Variants in NBAS observed in about 807,000 individuals in gnomAD.
The protein encoded by NBAS is NAG/BC035112 fusion.
In NBAS, 219 loss-of-function variants were observed where a neutral mutation model predicts 302.5. That is an observed-to-expected ratio of 0.72 (90% CI 0.65 to 0.81). The LOEUF (loss-of-function observed/expected upper bound fraction) is 0.81. Among genes scored for constraint, NBAS ranks in the 30% least tolerant of loss-of-function variants. The pLI is 0.00. For synonymous variants in NBAS, 1,118 were observed against 1,021.6 expected (o/e 1.09, Z -1.80); for missense variants, 2,932 against 2,841.6 (o/e 1.03, Z -0.72).
At position 15,184,270 on chromosome 2, in the gene NBAS, T is replaced by C. The variant is rs558778012; in HGVS notation, c.6711+2472A>G. ...GGTTTTGTGGATGAAAATTATTCCA[T>C]GGACTATGGAATAGTCCACCCCATG... is the stretch of plus-strand genomic sequence containing the variant. On this transcript the variant is annotated intron_variant, in intron 50 of 51. Coordinates refer to ENST00000281513, the MANE Select transcript of NBAS (RefSeq NM_015909.4). Among the ~76,000 whole-genome samples the C allele has an allele frequency of 4.9e-4, 74 of 152,248 alleles. No individual in the cohort carries two copies. In the East Asian group the frequency reaches 5.8e-3, roughly 12 times the overall value.
At chr2:15,008,201 C>T in the NBAS span, among the ~76,000 whole-genome samples, 1 of 152,202 alleles carries the variant, frequency 6.6e-6, no homozygotes, top group Non-Finnish European at 1.5e-5. Flanking sequence ...ACAACTGTTG[C>T]CACTGAAGAG....
the NBAS span, among the ~76,000 whole-genome samples, chr2:15,106,255 G>T: frequency 6.6e-6 from 1 of 152,072 alleles, no homozygotes; most frequent in East Asian, 1.9e-4. Flanking sequence ...TTAGCACCTT[G>T]GGGTGAGGAA....
the NBAS span, among the ~76,000 whole-genome samples, chr2:14,979,358 C>G: frequency 3.9e-5 from 6 of 152,144 alleles, no homozygotes; most frequent in Admixed American, 3.3e-4. Context: ...GTCAGTGGCT[C>G]TAGAAATGTT....
chr2:14,860,267 T>A, the NBAS span, among the ~76,000 whole-genome samples: 4 of 152,230 alleles, frequency 2.6e-5, no homozygotes, highest in East Asian at 1.9e-4. Flanking sequence ...ATAGAAAACA[T>A]CATGGTGTTT....
At chr2:14,806,925 G>A in the NBAS span, among the ~76,000 whole-genome samples, 4 of 152,116 alleles carry the variant, frequency 2.6e-5, no homozygotes, top group East Asian at 7.7e-4. Flanking sequence ...ACCTCCCTGG[G>A]GGTACATGTT....
chr2:15,309,176 G>A lies in NBAS; in HGVS notation c.4654C>T (p.Pro1552Ser), dbSNP rs770879208. 6.2e-6 allele frequency: 10 copies of A among 1,612,100 alleles called. No homozygotes were observed. The African/African-American group carries it at 6.7e-5, about 11-fold the overall frequency. Reference protein sequence around the residue: ...TLALAYLLALPQVLDANRCFE... With the variant: ...TLALAYLLALSQVLDANRCFE... ...ATTGGTAAGGGCAAACTTACTTGTG[G>A]TAAGGCAAGAAGGTAAGCAAGAGCC... Residue 1552 changes from proline (P) to serine (S), a missense_variant, in exon 39 of 52, where the codon CCA becomes TCA. Pro to Ser is a moderately conservative substitution (Grantham distance 74, BLOSUM62 -1). Transcript: ENST00000281513.
intron 31 of NBAS, among the ~76,000 whole-genome samples, chr2:15,367,735 G>T (rs368728404): frequency 6.6e-6 from 1 of 152,154 alleles, no homozygotes; most frequent in African/African-American, 2.4e-5. Flanking sequence ...GGCCAGGGAC[G>T]GGGGAGATAA....
chr2:15,021,095 G>C, the NBAS span, among the ~76,000 whole-genome samples: 3 of 152,126 alleles, frequency 2.0e-5, no homozygotes, highest in Non-Finnish European at 4.4e-5. Context: ...AGCCAGGCAT[G>C]TTGGCGGGCA....
intron 11 of NBAS, among the ~76,000 whole-genome samples, chr2:15,491,865 T>C (rs1326664746): frequency 1.3e-5 from 2 of 152,240 alleles, no homozygotes; most frequent in African/African-American, 4.8e-5. Flanking sequence ...CTTGCTAATC[T>C]GTGTTTTGTG....
intron 21 of NBAS, among the ~76,000 whole-genome samples, chr2:15,448,689 G>A (rs75838555): frequency 0.022 from 3,367 of 152,090 alleles, 134 homozygotes; most frequent in African/African-American, 0.077. Flanking sequence ...CACACACTGA[G>A]GACAAAACTT....
intron 9 of NBAS, among the ~76,000 whole-genome samples, chr2:15,521,334 T>G (rs957277904): frequency 7.2e-5 from 11 of 152,180 alleles, no homozygotes; most frequent in Non-Finnish European, 5.9e-5. Flanking sequence ...CAACTGTAAT[T>G]TCACCGAAGA....
intron 9 of NBAS, among the ~76,000 whole-genome samples, chr2:15,513,669 G>A (rs1346417849): frequency 6.6e-6 from 1 of 151,358 alleles, no homozygotes; most frequent in African/African-American, 2.4e-5. Flanking sequence ...ACAGAAGGAG[G>A]ATATGGAGAG....
the NBAS span, among the ~76,000 whole-genome samples, chr2:14,961,430 T>G: frequency 2.0e-5 from 3 of 152,108 alleles, no homozygotes. Flanking sequence ...GAGCTGATTT[T>G]TTTTTTTAAA....
the NBAS span, among the ~76,000 whole-genome samples, chr2:14,928,532 T>C: frequency 2.5e-3 from 388 of 152,334 alleles, 3 homozygotes; most frequent in Non-Finnish European, 4.5e-3. Flanking sequence ...AGCATTAGCA[T>C]ACCTATCATT....
the NBAS span, among the ~76,000 whole-genome samples, chr2:14,794,965 T>C: frequency 6.6e-6 from 1 of 152,234 alleles, no homozygotes; most frequent in Non-Finnish European, 1.5e-5. Context: ...TAGTATCCCA[T>C]TTTATGGGGA....
At chr2:15,278,294 A>G (rs529093860) in intron 42 of NBAS, among the ~76,000 whole-genome samples, 1 of 152,348 alleles carries the variant, frequency 6.6e-6, no homozygotes, top group South Asian at 2.1e-4. Context: ...TTATTTTTCC[A>G]TTAAGACACA....
At chr2:15,473,841 A>T (rs1305286719) in intron 15 of NBAS, among the ~76,000 whole-genome samples, 1 of 152,234 alleles carries the variant, frequency 6.6e-6, no homozygotes, top group Non-Finnish European at 1.5e-5. Context: ...CACCAAGTGG[A>T]TAATCAGTCT....
At chr2:15,008,374 T>A in the NBAS span, among the ~76,000 whole-genome samples, 1 of 152,198 alleles carries the variant, frequency 6.6e-6, no homozygotes, top group Non-Finnish European at 1.5e-5. Flanking sequence ...TCTTGATGCA[T>A]CTCCAGTTCT....
intron 22 of NBAS, among the ~76,000 whole-genome samples, chr2:15,426,433 G>A (rs1337100463): frequency 6.6e-6 from 1 of 152,028 alleles, no homozygotes; most frequent in East Asian, 1.9e-4. Context: ...ATTACCCATG[G>A]CATCTCTTTC....
Sources: gnomAD v4.1 joint callset for allele counts (sites outside exome capture counted in the v4.1 genomes callset) on GRCh38, gnomAD v4.1.1 for gene constraint, MANE v1.5 for transcripts, NCBI Gene and HGNC (gene_info 2026-07-23, HGNC 2026-07-21) for gene names.